AGBL1: variants seen among roughly 807,000 people sequenced by gnomAD.
AGBL1 encodes AGBL carboxypeptidase 1.
A neutral mutation model predicts 118.9 loss-of-function variants in AGBL1; 130 were observed. The ratio of observed to expected loss-of-function variants is 1.09; its 90% CI spans 0.95 to 1.26. The LOEUF (loss-of-function observed/expected upper bound fraction) is 1.26, where lower values mean the gene tolerates loss of function less well. Ranked by LOEUF, AGBL1 falls within the 50% of genes most tolerant of loss-of-function variation. The pLI is 0.00. For missense variants in AGBL1, 1,584 were observed against 1,298.1 expected (o/e 1.22, Z -3.38); for synonymous variants, 555 against 478.9 (o/e 1.16, Z -2.08).
chr15:86,245,317 C>T (rs1157672147), intron 6 of AGBL1, among the ~76,000 whole-genome samples: 1 of 152,088 alleles, frequency 6.6e-6, no homozygotes, highest in Non-Finnish European at 1.5e-5. Context: ...CTGATTATAC[C>T]TCATGGGCTC....
chr15:86,203,807 T>C (rs566168528), intron 5 of AGBL1, among the ~76,000 whole-genome samples: 1 of 152,320 alleles, frequency 6.6e-6, no homozygotes, highest in Non-Finnish European at 1.5e-5. Flanking sequence ...GGAAAGGAAA[T>C]GAATTTATGT....
chr15:86,603,299 T>C (rs1276324982), intron 21 of AGBL1, among the ~76,000 whole-genome samples: 1 of 152,224 alleles, frequency 6.6e-6, no homozygotes, highest in Non-Finnish European at 1.5e-5. Context: ...ACCCAGTATC[T>C]GATGCATGTT....
intron 17 of AGBL1, among the ~76,000 whole-genome samples, chr15:86,360,945 T>G (rs1384421157): frequency 6.6e-6 from 1 of 151,976 alleles, no homozygotes; most frequent in Non-Finnish European, 1.5e-5. Context: ...TTTTGTTAAT[T>G]TTGTAATTGT....
chr15:86,448,212 G>A (rs568135629), intron 18 of AGBL1, among the ~76,000 whole-genome samples: 3 of 152,182 alleles, frequency 2.0e-5, no homozygotes, highest in African/African-American at 7.2e-5. Context: ...AGTTAGAGGA[G>A]TAAGAAGCAA....
chr15:86,436,089 C>CTT (rs35296563), intron 18 of AGBL1, among the ~76,000 whole-genome samples: 223 of 111,426 alleles, frequency 2.0e-3, no homozygotes, highest in Non-Finnish European at 3.2e-3. Flanking sequence ...CCTTTCCTCT[C>CTT]TTTTTTTTTT....
chr15:86,636,951 C>A (rs992423433), intron 21 of AGBL1, among the ~76,000 whole-genome samples: 1 of 151,236 alleles, frequency 6.6e-6, no homozygotes, highest in Non-Finnish European at 1.5e-5. Flanking sequence ...AAGAACAGAT[C>A]TCATCTTCAA....
rs9630451 is a variant in AGBL1, at chr15:86,295,266, C to T, written c.2232C>T (p.Asp744=). 103,216 of 1,613,068 alleles carry T rather than the reference C, an allele frequency of 0.064. 8,707 individuals are homozygous for T. Among genetic ancestry groups the T allele is most frequent in the African/African-American group, 0.41 (30,919 of 74,846 alleles). ...YTYTALMTHL[D]ILEKSVNLKE... is the part of the protein sequence containing the mutation. ...TATTTCTGCTCCAGACTCATCTTGA[C>T]ATCCTGGAAAAGAGTGTCAACCTCA... The change falls in exon 17 of 23, where the codon GAC becomes GAT. Residue 744 remains aspartate, a synonymous_variant. Coordinates refer to ENST00000614907, the MANE Select transcript of AGBL1 (RefSeq NM_001386094.1).
chr15:86,662,691 C>T (rs2085565590), intron 21 of AGBL1, among the ~76,000 whole-genome samples: 2 of 152,164 alleles, frequency 1.3e-5, no homozygotes, highest in South Asian at 4.1e-4. Flanking sequence ...GATTGATTTA[C>T]ATTCTGGCTT....
Position 86,741,767 on chromosome 15 carries a change from C to T in AGBL1, c.3158+67331C>T, listed in dbSNP as rs1263651165. Among the ~76,000 whole-genome samples, 6 of 149,576 alleles carry T rather than the reference C, an allele frequency of 4.0e-5. No individual in the cohort carries two copies. In the Admixed American group the frequency reaches 4.0e-4, roughly 10 times the overall value. ...CTAATTTAGCTTTAATATTTGCTAGCAGACATTTTTTTTTTAACCTCTCCT... is the reference window on the plus strand; with the variant it reads ...CTAATTTAGCTTTAATATTTGCTAGTAGACATTTTTTTTTTAACCTCTCCT... On this transcript the variant is annotated intron_variant, in intron 22 of 22. Coordinates refer to ENST00000614907, the MANE Select transcript of AGBL1 (RefSeq NM_001386094.1).
At chr15:86,710,491 A>G (rs992304132) in intron 22 of AGBL1, among the ~76,000 whole-genome samples, 2 of 152,206 alleles carry the variant, frequency 1.3e-5, no homozygotes, top group African/African-American at 4.8e-5. Context: ...TCAGCATTAC[A>G]TTTGGAAAAG....
At chr15:86,888,552 T>C (rs914524217) in intron 22 of AGBL1, among the ~76,000 whole-genome samples, 1 of 152,102 alleles carries the variant, frequency 6.6e-6, no homozygotes, top group Non-Finnish European at 1.5e-5. Context: ...CCAACGAAGA[T>C]CTAGGTATAA....
In AGBL1 at chr15:86,080,609, T is replaced by C. The variant is rs551176673; in HGVS notation, c.51+586T>C. Among the ~76,000 whole-genome samples, 7 of 152,350 alleles carry C rather than the reference T, an allele frequency of 4.6e-5. No homozygotes were observed. In the East Asian group the frequency reaches 1.2e-3, roughly 25 times the overall value. ...CTCCCTGGGGGATGCTATTCATTCCTAATTTTGAGAATTCTTGTTCTACAG... is the reference window on the plus strand; with the variant it reads ...CTCCCTGGGGGATGCTATTCATTCCCAATTTTGAGAATTCTTGTTCTACAG... On this transcript the variant is annotated intron_variant, in intron 1 of 22. Coordinates refer to ENST00000614907, the MANE Select transcript of AGBL1 (RefSeq NM_001386094.1).
chr15:86,233,878 A>G (rs558282257), intron 6 of AGBL1, among the ~76,000 whole-genome samples: 2 of 152,192 alleles, frequency 1.3e-5, no homozygotes, highest in Non-Finnish European at 2.9e-5. Context: ...TTTTACTGGC[A>G]GGCAGGATGG....
chr15:86,443,183 C>A (rs1051558929), intron 18 of AGBL1, among the ~76,000 whole-genome samples: 9 of 152,216 alleles, frequency 5.9e-5, no homozygotes, highest in African/African-American at 2.2e-4. Flanking sequence ...CAATGACCAT[C>A]TGCCGCAGGG....
intron 22 of AGBL1, among the ~76,000 whole-genome samples, chr15:86,741,470 T>C (rs1018836915): frequency 7.9e-6 from 1 of 126,628 alleles, no homozygotes; most frequent in African/African-American, 3.1e-5. Context: ...AAATGATGAA[T>C]GATTAGAAAG....
intron 18 of AGBL1, among the ~76,000 whole-genome samples, chr15:86,403,697 T>C (rs537488195): frequency 5.9e-5 from 9 of 152,296 alleles, no homozygotes; most frequent in Non-Finnish European, 1.0e-4. Flanking sequence ...AATTTCTAGA[T>C]AAGAAAAGTT....
intron 22 of AGBL1, among the ~76,000 whole-genome samples, chr15:86,714,436 A>G (rs2086607074): frequency 6.6e-6 from 1 of 152,200 alleles, no homozygotes; most frequent in Admixed American, 6.5e-5. Context: ...AAGGAATTGA[A>G]GCAGTTTAAA....
At chr15:86,352,974 G>C (rs998481210) in intron 17 of AGBL1, among the ~76,000 whole-genome samples, 1 of 152,160 alleles carries the variant, frequency 6.6e-6, no homozygotes, top group Admixed American at 6.6e-5. Flanking sequence ...AAAATAAAAA[G>C]TTTTTGTTTC....
intron 5 of AGBL1, among the ~76,000 whole-genome samples, chr15:86,218,614 G>A (rs752228322): frequency 6.6e-6 from 1 of 152,204 alleles, no homozygotes; most frequent in Non-Finnish European, 1.5e-5. Flanking sequence ...TGTGTTATAA[G>A]AGGTCATTGC....
Sources: gnomAD v4.1 joint callset for allele counts (sites outside exome capture counted in the v4.1 genomes callset) on GRCh38, gnomAD v4.1.1 for gene constraint, MANE v1.5 for transcripts, NCBI Gene and HGNC (gene_info 2026-07-23, HGNC 2026-07-21) for gene names.